The following GOT1L1 variants were observed in gnomAD, a reference collection of about 807,000 sequenced individuals.
GOT1L1 encodes the protein glutamic-oxaloacetic transaminase 1 like 1.
Under a neutral mutation model 43.6 loss-of-function variants are expected in GOT1L1, and 38 were observed. The observed-to-expected ratio is 0.87, with a 90% CI of 0.67 to 1.14. The LOEUF is 1.14. Among genes scored for constraint, GOT1L1 ranks in the 50% most tolerant of loss-of-function variants. The pLI, the probability that GOT1L1 is intolerant of heterozygous loss-of-function variation, is 0.00. For missense variants in GOT1L1, 482 were observed against 504.0 expected, an observed-to-expected ratio of 0.96 and a Z score of 0.42; for synonymous variants, 183 against 187.2, an observed-to-expected ratio of 0.98 and a Z score of 0.18.
In GOT1L1 at chr8:37,936,973, T is replaced by A. The variant is rs368999918; in HGVS notation, c.604A>T (p.Met202Leu). The change falls in exon 5 of 9, where the codon ATG becomes TTG. Residue 202 changes from methionine (M) to leucine (L), a missense_variant. Coordinates refer to ENST00000307599, the MANE Select transcript of GOT1L1 (RefSeq NM_152413.3). Reference protein sequence around the residue: ...TPSGWAKLMSMIKSKQIFPFF... With the variant: ...TPSGWAKLMSLIKSKQIFPFF... ...TGGGAGATTGGGTTTACCTTTATCA[T>A]GGACATCAACTTTGCCCACCCACTT... 8.7e-6 allele frequency: 14 copies of A among 1,613,760 alleles called. 1 individual carries two copies. In the African/African-American group the frequency reaches 1.9e-4, roughly 22 times the overall value.
chr8:37,936,955 T>C lies in GOT1L1; in HGVS notation c.612+10A>G, dbSNP rs1337734190. The C allele has an allele frequency of 6.2e-7, 1 of 1,613,236 alleles. No homozygotes were observed. Among genetic ancestry groups the C allele is most frequent in the African/African-American group, 1.3e-5 (1 of 74,864 alleles). On this transcript the variant is annotated intron_variant, in intron 5 of 8. Coordinates refer to ENST00000307599, the MANE Select transcript of GOT1L1 (RefSeq NM_152413.3). ...AAAGACAGGAAGGTCGGGTGGGAGA[T>C]TGGGTTTACCTTTATCATGGACATC... is the stretch of plus-strand genomic sequence containing the variant.
In GOT1L1 at chr8:37,934,316, T is replaced by G; in HGVS notation, c.1243A>C (p.Thr415Pro). 6.2e-7 allele frequency: 1 copy of G among 1,603,172 alleles called. No individual in the cohort carries two copies. The highest frequency in any genetic ancestry group is 8.5e-7 in the Non-Finnish European group (1 of 1,172,838). The change falls in exon 9 of 9, where the codon ACA (threonine) becomes CCA (proline). Residue 415 changes from threonine to proline, a missense_variant. Thr to Pro is a conservative substitution (Grantham distance 38, BLOSUM62 -1). Transcript: ENST00000307599. The part of the protein sequence containing the change: ...SEMCLPKEKK[T>P]LIGIKL ...GACTAAAGTTTTATTCCAATCAGTG[T>G]TTTTTTTTCCTTTGGAAGACACATC...
rs375224116 is a variant in GOT1L1, at chr8:37,936,813, A to G, written c.670T>C (p.Leu224=). 5 of 1,611,728 alleles carry G rather than the reference A, an allele frequency of 3.1e-6. No individual in the cohort carries two copies. The African/African-American group carries it at 6.7e-5, about 22-fold the overall frequency. The change falls in exon 6 of 9, where the codon TTG becomes CTG. Residue 224 remains leucine (L), a synonymous_variant. Coordinates refer to ENST00000307599, the MANE Select transcript of GOT1L1 (RefSeq NM_152413.3). Reference sequence around the variant, plus strand: ...TGTAAGATTCTAGTATCTTCTTCCAAGTCACTGGTGTATAAACCTTGACAG... The same window carrying G: ...TGTAAGATTCTAGTATCTTCTTCCAGGTCACTGGTGTATAAACCTTGACAG... ...IPCQGLYTSD[L]EEDTRILQYF...
At chr8:37,937,106 C>T (rs754722092) in intron 4 of GOT1L1, 49 bp from the exon 5 acceptor site, 45 of 1,561,824 alleles carry the variant, frequency 2.9e-5, no homozygotes, top group East Asian at 6.7e-5. Flanking sequence ...CCAGGAGTGG[C>T]GGCCCCAGGG....
chr8:37,937,153 A>G, intron 4 of GOT1L1, 96 bp from the exon 5 acceptor site: 3 of 1,330,306 alleles, frequency 2.3e-6, no homozygotes, highest in Non-Finnish European at 3.2e-6. Flanking sequence ...GTTAGTTACC[A>G]TTGAAGGGCC....
At chr8:37,938,199 C>A (rs1807816907) in intron 2 of GOT1L1, among the ~76,000 whole-genome samples, 1 of 152,184 alleles carries the variant, frequency 6.6e-6, no homozygotes, top group African/African-American at 2.4e-5. Context: ...GAGTTTGAGA[C>A]CAGCCTGGCC....
In GOT1L1 at chr8:37,937,131, G is replaced by C; in HGVS notation, c.520-74C>G. ...CGGCCCCAGGGCATTTGGGGGTGAA[G>C]TGCTCCTCCATGTTAGTTACCATTG... On this transcript the variant is annotated intron_variant, in intron 4 of 8. Coordinates refer to ENST00000307599, the MANE Select transcript of GOT1L1 (RefSeq NM_152413.3). 3 of 1,431,670 alleles carry C rather than the reference G, an allele frequency of 2.1e-6. 1 individual carries two copies. In the South Asian group the frequency reaches 3.5e-5, roughly 17 times the overall value. 88.7% of individuals were successfully genotyped at this position (1,431,670 alleles called of 1,614,324 possible).
chr8:37,935,836 A>T lies in GOT1L1; in HGVS notation c.797T>A (p.Val266Asp). The T allele has an allele frequency of 6.2e-7, 1 of 1,613,014 alleles. No homozygotes were observed. Among genetic ancestry groups the T allele is most frequent in the East Asian group, 2.2e-5 (1 of 44,798 alleles). ...GACACACAGCAGCTGCTGGTTGTTG[A>T]CTGCCACCACCACTAGCATCCCCAC... ...EGVGMLVVVA[V>D]NNQQLLCVLS... is the part of the protein sequence containing the mutation. The change falls in exon 7 of 9, where the codon GTC (valine) becomes GAC (aspartate). Residue 266 changes from valine (V) to aspartate (D), a missense_variant. Val to Asp is a radical substitution (Grantham distance 152). Coordinates refer to ENST00000307599, the MANE Select transcript of GOT1L1 (RefSeq NM_152413.3).
Position 37,939,658 on chromosome 8 carries a change from G to A in GOT1L1, c.115+257C>T, listed in dbSNP as rs536782304. Among the ~76,000 whole-genome samples, 428 of 151,686 alleles carry A rather than the reference G, an allele frequency of 2.8e-3. 4 individuals carry two copies. The highest frequency in any genetic ancestry group is 9.5e-3 in the African/African-American group (394 of 41,342). The stretch of plus-strand genomic sequence containing the variant: ...GAAGAAGTGTGGGATGGCCATGCAG[G>A]CCCCCAAGCATAGAGTTGTGGAAGA... On this transcript the variant is annotated intron_variant, in intron 1 of 8. Transcript: ENST00000307599.
intron 8 of GOT1L1, 83 bp downstream of exon 8, chr8:37,934,990 C>A: frequency 6.9e-7 from 1 of 1,458,266 alleles, no homozygotes; most frequent in Non-Finnish European, 9.5e-7. Context: ...AAGCTAGGAA[C>A]TGGTCACCTA....
chr8:37,936,827 A>C lies in GOT1L1; in HGVS notation c.656T>G (p.Leu219Ter). The change falls in exon 6 of 9, where the codon TTA becomes TGA. Residue 219 changes from leucine (L) to a stop codon, truncating the protein, a stop_gained. Transcript: ENST00000307599. LOFTEE classifies it high-confidence loss of function. ...FPFFDIPCQG[L>*]YTSDLEEDTR... The stretch of plus-strand genomic sequence containing the variant: ...ATCTTCTTCCAAGTCACTGGTGTAT[A>C]AACCTTGACAGGGAATATCAAAAAA... 6.2e-7 allele frequency: 1 copy of C among 1,611,660 alleles called. No homozygotes were observed. The highest frequency in any genetic ancestry group is 8.5e-7 in the Non-Finnish European group (1 of 1,177,840).
At chr8:37,939,669 T>C (rs1807873929) in intron 1 of GOT1L1, among the ~76,000 whole-genome samples, 1 of 150,888 alleles carries the variant, frequency 6.6e-6, no homozygotes, top group Non-Finnish European at 1.5e-5. Context: ...CCCCCAAGCA[T>C]AGAGTTGTGG....
chr8:37,935,919 A>G, intron 6 of GOT1L1, 50 bp from the exon 7 acceptor site: 4 of 1,585,388 alleles, frequency 2.5e-6, no homozygotes, highest in Non-Finnish European at 3.4e-6. Context: ...CTCCACTCCC[A>G]AGGCCTTCAC....
At position 37,937,016 on chromosome 8, in the gene GOT1L1, G is replaced by A. The variant is rs746798739; in HGVS notation, c.561C>T (p.Ile187=). ...ACCCACTTGGTGTCAACTTGCAGTCGATAATGTTCCCCATCACAAGGACAC... is the reference window on the plus strand; with the variant it reads ...ACCCACTTGGTGTCAACTTGCAGTCAATAATGTTCCCCATCACAAGGACAC... ...HGCVLVMGNI[I]DCKLTPSGWA... is the part of the protein sequence containing the mutation. The change falls in exon 5 of 9, where the codon ATC becomes ATT. Residue 187 remains isoleucine (I), a synonymous_variant. Coordinates refer to ENST00000307599, the MANE Select transcript of GOT1L1 (RefSeq NM_152413.3). 1.4e-5 allele frequency: 23 copies of A among 1,613,838 alleles called. No homozygotes were observed. In the East Asian group the frequency reaches 3.3e-4, roughly 23 times the overall value.
rs1188997870 is a variant in GOT1L1, at chr8:37,939,431, AATATATATATATATAT to A, written c.115+468_115+483del. Among the ~76,000 whole-genome samples the A allele has an allele frequency of 0.022, 925 of 41,712 alleles. 76 individuals carry two copies. The East Asian group carries it at 0.22, about 10-fold the overall frequency. The allele number at this position is 41,712 out of a possible 152,430, so 27.4% of individuals were successfully genotyped here. ...CCTGTCTCAAGAAAAAAAAAAAAAA[AATATATATATATATAT>A]ATATATATATATATATATATATATA... On this transcript the variant is annotated intron_variant, in intron 1 of 8. Transcript: ENST00000307599.
intron 1 of GOT1L1, 37 bp downstream of exon 1, chr8:37,939,878 A>C: frequency 6.3e-7 from 1 of 1,591,638 alleles, no homozygotes. Flanking sequence ...AGTTACCATC[A>C]CTTAAGTCTT....
rs1237987679 is a variant in GOT1L1, at chr8:37,939,431, A to AAAAAAT, written c.115+483_115+484insATTTTT. Among the ~76,000 whole-genome samples the AAAAAAT allele has an allele frequency of 3.3e-3, 139 of 41,642 alleles. 1 individual carries two copies. Among genetic ancestry groups the AAAAAAT allele is most frequent in the South Asian group, 6.0e-3 (5 of 832 alleles). 27.3% of individuals were successfully genotyped at this position (41,642 alleles called of 152,430 possible). A position where few individuals can be genotyped will look rare whatever the true frequency, so the allele number is the denominator to read the frequency against. On this transcript the variant is annotated intron_variant, in intron 1 of 8. Coordinates refer to ENST00000307599, the MANE Select transcript of GOT1L1 (RefSeq NM_152413.3). ...CCTGTCTCAAGAAAAAAAAAAAAAAAATATATATATATATATATATATATA... is the reference window on the plus strand; with the variant it reads ...CCTGTCTCAAGAAAAAAAAAAAAAAAAAAAATATATATATATATATATATATATATA...
chr8:37,936,227 A>G (rs113707178), intron 6 of GOT1L1, among the ~76,000 whole-genome samples: 20 of 151,730 alleles, frequency 1.3e-4, no homozygotes, highest in African/African-American at 4.6e-4. Flanking sequence ...GCTCACTGCA[A>G]CCTCTACCTC....
At chr8:37,939,893 T>C (rs771902794) in intron 1 of GOT1L1, 22 bp downstream of exon 1, 1 of 1,606,578 alleles carries the variant, frequency 6.2e-7, no homozygotes, top group Non-Finnish European at 8.5e-7. Flanking sequence ...AGTCTTATAC[T>C]TCAGAACTGC....
Sources: allele counts gnomAD v4.1 joint callset (sites outside exome capture counted in the v4.1 genomes callset), GRCh38; gene constraint gnomAD v4.1.1; transcripts MANE v1.5; gene names NCBI Gene and HGNC (gene_info 2026-07-23, HGNC 2026-07-21).